Variants in TAF5L observed in about 807,000 individuals in gnomAD.
The protein encoded by TAF5L is TATA-box binding protein associated factor 5 like.
TAF5L carries 7 observed loss-of-function variants against 51.3 expected under a neutral mutation model. The observed-to-expected ratio is 0.14, with a 90% CI of 0.08 to 0.26. The LOEUF (loss-of-function observed/expected upper bound fraction) is 0.26, where lower values mean the gene tolerates loss of function less well. Ranked by LOEUF, TAF5L falls within the 10% of genes least tolerant of loss-of-function variation. The pLI, the probability that TAF5L is intolerant of heterozygous loss-of-function variation, is 1.00. For synonymous variants in TAF5L, 291 were observed against 308.1 expected (o/e 0.94, Z 0.58); for missense variants, 575 against 758.9 (o/e 0.76, Z 2.85).
chr1:229,599,622 T>C lies in TAF5L; in HGVS notation c.972+2573A>G, dbSNP rs898981415. On this transcript the variant is annotated intron_variant, in intron 4 of 4. Transcript: ENST00000258281. ...GCAGCCTGCATCAGTGCTTCATTTC[T>C]TTTTATGGGCAAATAATATTCCACT... 4.1e-5 allele frequency: 8 copies of C among 196,670 alleles called. No individual in the cohort carries two copies. In the Admixed American group the frequency reaches 5.2e-4, roughly 13 times the overall value. The allele number at this position is 196,670 out of a possible 1,614,324, so 12.2% of individuals were successfully genotyped here.
chr1:229,619,455 G>GTGGC (rs1665127313), intron 1 of TAF5L, among the ~76,000 whole-genome samples: 1 of 152,298 alleles, frequency 6.6e-6, no homozygotes, highest in African/African-American at 2.4e-5. Flanking sequence ...AGTGAAGAAT[G>GTGGC]TGGCGTTTTG....
At position 229,594,318 on chromosome 1, in the gene TAF5L, T is replaced by C. The variant is rs1365259900; in HGVS notation, c.1749A>G (p.Thr583=). 6.2e-7 allele frequency: 1 copy of C among 1,608,346 alleles called. No individual in the cohort carries two copies. Among genetic ancestry groups the C allele is most frequent in the Non-Finnish European group, 8.5e-7 (1 of 1,175,910 alleles). The stretch of plus-strand genomic sequence containing the variant: ...AAAATTAATGTTCCTGATTTTCTTG[T>C]GTAATTCCAGTCACCAGAAGAAGGT... Residue 583 remains threonine (T), a synonymous_variant, in exon 5 of 5, where the codon ACA becomes ACG. Coordinates refer to ENST00000258281, the Ensembl canonical transcript of TAF5L. The surrounding 1 kb of genome is among the most constrained non-coding windows in gnomAD (Gnocchi z 7.9).
Position 229,625,030 on chromosome 1 carries a change from C to T in TAF5L, c.-4+855G>A, listed in dbSNP as rs1359089201. Among the ~76,000 whole-genome samples, 1 of 152,220 alleles carries T rather than the reference C, an allele frequency of 6.6e-6. No homozygotes were observed. The highest frequency in any genetic ancestry group is 2.4e-5 in the African/African-American group (1 of 41,460). On this transcript the variant is annotated intron_variant, in intron 1 of 4. Coordinates refer to ENST00000258281, the Ensembl canonical transcript of TAF5L. This position sits in a 1 kb window ranked among gnomAD's most constrained non-coding sequence, Gnocchi z 4.0. ...TCAGTTTAGGTACAGTAATTTAAGA[C>T]AGACACTGCATGGGACTGGCACTTA...
At chr1:229,599,410 C>T (rs1664278464) in intron 4 of TAF5L, 1 of 179,700 alleles carries the variant, frequency 5.6e-6, no homozygotes, top group Non-Finnish European at 1.1e-5. Flanking sequence ...CATTACCTCA[C>T]AAAGAAATGC....
At chr1:229,603,827 A>T (rs1288428461) in intron 3 of TAF5L, among the ~76,000 whole-genome samples, 4 of 152,226 alleles carry the variant, frequency 2.6e-5, no homozygotes, top group Non-Finnish European at 5.9e-5. Context: ...GCTGTGAGGG[A>T]GCAAAGGTTT....
At chr1:229,605,776 G>A (rs1165851970) in intron 3 of TAF5L, among the ~76,000 whole-genome samples, 1 of 152,174 alleles carries the variant, frequency 6.6e-6, no homozygotes, top group Non-Finnish European at 1.5e-5. Flanking sequence ...TGCCAGCAGA[G>A]AGCCTTTGGA....
At chr1:229,597,292 C>T (rs538581490) in intron 4 of TAF5L, among the ~76,000 whole-genome samples, 1 of 152,352 alleles carries the variant, frequency 6.6e-6, no homozygotes, top group African/African-American at 2.4e-5. Flanking sequence ...GTGGCCTTCA[C>T]CTCCTCAGTG....
At chr1:229,606,237 G>T in intron 3 of TAF5L, 1 of 950,474 alleles carries the variant, frequency 1.1e-6, no homozygotes, top group Non-Finnish European at 1.3e-6. Flanking sequence ...AAGAAGGTGA[G>T]ATTCAGAATT....
chr1:229,607,433 T>C, intron 3 of TAF5L: 1 of 985,444 alleles, frequency 1.0e-6, no homozygotes, highest in South Asian at 4.7e-5. Flanking sequence ...CAACAAAGCC[T>C]TAGTTGTTCC....
chr1:229,613,437 C>T (rs1664863013), intron 2 of TAF5L, among the ~76,000 whole-genome samples: 1 of 152,090 alleles, frequency 6.6e-6, no homozygotes, highest in South Asian at 2.1e-4. Flanking sequence ...ACAGTCGGCC[C>T]TCTGTATCTG....
intron 2 of TAF5L, among the ~76,000 whole-genome samples, chr1:229,612,034 C>T (rs1469744960): frequency 6.6e-6 from 1 of 152,224 alleles, no homozygotes; most frequent in Non-Finnish European, 1.5e-5. Flanking sequence ...CACTGACTTA[C>T]CTGCCTCACT....
At position 229,594,729 on chromosome 1, in the gene TAF5L, G is replaced by C; in HGVS notation, c.1338C>G (p.Thr446=). 1 of 1,614,210 alleles carries C rather than the reference G, an allele frequency of 6.2e-7. No individual in the cohort carries two copies. The highest frequency in any genetic ancestry group is 1.1e-5 in the South Asian group (1 of 91,086). ...CGCTCCACAGCCGGACGGTCTTGTC[G>C]GTTGAGCCCGTGGCCAAGTAGTTTG... The change falls in exon 5 of 5, where the codon ACC becomes ACG. Residue 446 remains threonine (T), a synonymous_variant. Transcript: ENST00000258281. The surrounding 1 kb of genome is among the most constrained non-coding windows in gnomAD (Gnocchi z 7.9).
chr1:229,614,860 T>C (rs1020688092), intron 1 of TAF5L, among the ~76,000 whole-genome samples: 6 of 152,190 alleles, frequency 3.9e-5, no homozygotes, highest in Non-Finnish European at 2.9e-5. Flanking sequence ...TGATTTCTCC[T>C]GCCTACTCTG....
At position 229,625,028 on chromosome 1, in the gene TAF5L, G is replaced by C. The variant is rs1002744425; in HGVS notation, c.-4+857C>G. ...GGTCAGTTTAGGTACAGTAATTTAA[G>C]ACAGACACTGCATGGGACTGGCACT... On this transcript the variant is annotated intron_variant, in intron 1 of 4. Transcript: ENST00000258281. This position sits in a 1 kb window ranked among gnomAD's most constrained non-coding sequence, Gnocchi z 4.0. Among the ~76,000 whole-genome samples the C allele has an allele frequency of 1.1e-4, 16 of 152,184 alleles. No homozygotes were observed. Among genetic ancestry groups the C allele is most frequent in the Non-Finnish European group, 5.9e-5 (4 of 68,038 alleles).
chr1:229,608,359 A>G (rs1664671496), intron 3 of TAF5L, among the ~76,000 whole-genome samples: 1 of 152,222 alleles, frequency 6.6e-6, no homozygotes, highest in Non-Finnish European at 1.5e-5. Flanking sequence ...AAAACGAAAA[A>G]TCATGAAAAT....
At chr1:229,624,972 G>A (rs547073300) in intron 1 of TAF5L, among the ~76,000 whole-genome samples, 1 of 152,162 alleles carries the variant, frequency 6.6e-6, no homozygotes, top group Non-Finnish European at 1.5e-5. Flanking sequence ...CTTGTTAGCA[G>A]GAGTCACCAT....
intron 4 of TAF5L, chr1:229,600,638 G>A (rs1664338484): frequency 1.0e-6 from 1 of 985,158 alleles, no homozygotes; most frequent in South Asian, 4.7e-5. Flanking sequence ...TTCCTGTCTT[G>A]GCCCCTCTCC....
intron 3 of TAF5L, among the ~76,000 whole-genome samples, chr1:229,605,108 G>GTATGTGTATATATA (rs1553270421): frequency 1.2e-4 from 14 of 118,658 alleles, no homozygotes; most frequent in African/African-American, 3.5e-4. Flanking sequence ...ATTTTTGTAT[G>GTATGTGTATATATA]TATATATATA....
At chr1:229,595,210 TA>T (rs1162901233) in intron 4 of TAF5L, 116 bp from the exon 5 acceptor site, 1 of 1,086,824 alleles carries the variant, frequency 9.2e-7, no homozygotes, top group Non-Finnish European at 1.3e-6. Flanking sequence ...GCTTGGGAAA[TA>T]GCATCTATCC....
Sources: gnomAD v4.1 joint callset for allele counts (sites outside exome capture counted in the v4.1 genomes callset) on GRCh38, gnomAD v4.1.1 for gene constraint, Gnocchi (gnomAD v3.1) non-coding constraint, MANE v1.5 for transcripts, NCBI Gene and HGNC (gene_info 2026-07-23, HGNC 2026-07-21) for gene names.